MMP16: variants seen among roughly 807,000 people sequenced by gnomAD.
The protein encoded by MMP16 is matrix metallopeptidase 16, also known as matrix metalloproteinase-16.
Under a neutral mutation model 67.8 loss-of-function variants are expected in MMP16, and 12 were observed. The ratio of observed to expected loss-of-function variants is 0.18; its 90% confidence interval spans 0.11 to 0.29. The LOEUF (loss-of-function observed/expected upper bound fraction) is 0.29. Among genes scored for constraint, MMP16 ranks in the 10% least tolerant of loss-of-function variants. MMP16 has a pLI of 1.00. For missense variants in MMP16, 475 were observed against 765.7 expected (o/e 0.62, Z 4.48); for synonymous variants, 249 against 255.9 (o/e 0.97, Z 0.26).
intron 6 of MMP16, among the ~76,000 whole-genome samples, chr8:88,113,391 G>A (rs1809373777): frequency 6.6e-6 from 1 of 151,720 alleles, no homozygotes; most frequent in African/African-American, 2.4e-5. Flanking sequence ...AAGGGTTGAG[G>A]AGATGAAGAC....
At chr8:88,322,863 C>T (rs1325324966) in intron 1 of MMP16, among the ~76,000 whole-genome samples, 1 of 151,950 alleles carries the variant, frequency 6.6e-6, no homozygotes, top group Non-Finnish European at 1.5e-5. Context: ...CAACTCTGAA[C>T]AGAGAGGCAT....
At chr8:88,240,114 G>A (rs1331603844) in intron 1 of MMP16, among the ~76,000 whole-genome samples, 1 of 152,108 alleles carries the variant, frequency 6.6e-6, no homozygotes, top group Non-Finnish European at 1.5e-5. Context: ...CTTACGCAAT[G>A]CCCATTGTAC....
At position 88,041,874 on chromosome 8, in the gene MMP16, G is replaced by T. The variant is rs565147285; in HGVS notation, c.1490-79C>A. On this transcript the variant is annotated intron_variant, in intron 9 of 9. Coordinates refer to ENST00000286614, the MANE Select transcript of MMP16 (RefSeq NM_005941.5). The surrounding 1 kb of genome is among the most constrained non-coding windows in gnomAD (Gnocchi z 6.0). ...ATGTAGAGAAATGTTACTAAAATAG[G>T]CTATGTCTTAAGAGATGTATTTTAA... is the stretch of plus-strand genomic sequence containing the variant. 10 of 1,078,788 alleles carry T rather than the reference G, an allele frequency of 9.3e-6. No homozygotes were observed. The highest frequency in any genetic ancestry group is 2.4e-5 in the Admixed American group (1 of 42,040). 66.8% of individuals were successfully genotyped at this position (1,078,788 alleles called of 1,614,324 possible). A position where few individuals can be genotyped will look rare whatever the true frequency, so the allele number is the denominator to read the frequency against.
intron 1 of MMP16, among the ~76,000 whole-genome samples, chr8:88,324,192 T>G (rs1811503730): frequency 6.6e-6 from 1 of 152,140 alleles, no homozygotes; most frequent in African/African-American, 2.4e-5. Flanking sequence ...GAGATGTTCC[T>G]TTTTGCTTCT....
At chr8:88,165,381 C>T (rs1808695706) in intron 4 of MMP16, among the ~76,000 whole-genome samples, 3 of 151,754 alleles carry the variant, frequency 2.0e-5, no homozygotes, top group Non-Finnish European at 4.4e-5. Context: ...ATCTTCAAAA[C>T]TACAGATTTA....
At chr8:88,099,139 C>G (rs143793022) in intron 6 of MMP16, among the ~76,000 whole-genome samples, 1 of 151,096 alleles carries the variant, frequency 6.6e-6, no homozygotes, top group African/African-American at 2.4e-5. Flanking sequence ...ATTCTATGTA[C>G]GTTCTAAAAA....
At chr8:88,116,363 A>T (rs1177331638) in intron 6 of MMP16, 144 bp downstream of exon 6, 5 of 704,012 alleles carry the variant, frequency 7.1e-6, no homozygotes, top group East Asian at 5.5e-5. Flanking sequence ...CCATTTGTGC[A>T]TTTATTTTTT....
intron 7 of MMP16, among the ~76,000 whole-genome samples, chr8:88,070,924 T>C (rs188427233): frequency 5.9e-5 from 9 of 152,244 alleles, no homozygotes; most frequent in Non-Finnish European, 1.3e-4. Flanking sequence ...AATCTACCAT[T>C]ATAGTGCACT....
intron 6 of MMP16, among the ~76,000 whole-genome samples, chr8:88,104,725 A>AGAAAGGTCCTTCGGGAGGTATTCCAC (rs1809207118): frequency 6.6e-6 from 1 of 151,630 alleles, no homozygotes; most frequent in Admixed American, 6.6e-5. Flanking sequence ...AAACAGCCTC[A>AGAAAGGTCCTTCGGGAGGTATTCCAC]GAAAGGTCCT....
At chr8:88,095,088 C>T (rs753566576) in intron 6 of MMP16, among the ~76,000 whole-genome samples, 12 of 151,696 alleles carry the variant, frequency 7.9e-5, no homozygotes, top group East Asian at 3.9e-4. Context: ...TACAAGGCAC[C>T]GCTCTACAGA....
At chr8:88,221,946 T>C (rs1237619614) in intron 1 of MMP16, among the ~76,000 whole-genome samples, 1 of 152,120 alleles carries the variant, frequency 6.6e-6, no homozygotes, top group Non-Finnish European at 1.5e-5. Flanking sequence ...GGGAGGTTTT[T>C]GGCATGATAT....
intron 1 of MMP16, among the ~76,000 whole-genome samples, chr8:88,251,068 A>G (rs1429803965): frequency 2.6e-5 from 4 of 151,554 alleles, no homozygotes; most frequent in Admixed American, 1.3e-4. Context: ...GAGAATGATG[A>G]TTTCCAATTT....
chr8:88,201,164 A>G (rs1180449463), intron 1 of MMP16, among the ~76,000 whole-genome samples: 4 of 135,692 alleles, frequency 2.9e-5, no homozygotes, highest in Non-Finnish European at 4.6e-5. Context: ...AAAAAAAAAA[A>G]AAAATGGAAT....
At chr8:88,268,980 T>G (rs1376969601) in intron 1 of MMP16, among the ~76,000 whole-genome samples, 1 of 152,132 alleles carries the variant, frequency 6.6e-6, no homozygotes, top group Admixed American at 6.5e-5. Flanking sequence ...CACCTTGGGA[T>G]GGAGGATCTA....
intron 1 of MMP16, among the ~76,000 whole-genome samples, chr8:88,266,457 T>G (rs1440892731): frequency 2.6e-5 from 4 of 152,142 alleles, no homozygotes; most frequent in African/African-American, 9.7e-5. Flanking sequence ...TCATCTGGAG[T>G]ATAAATTTAT....
chr8:88,184,538 G>T (rs1402099267), intron 3 of MMP16, among the ~76,000 whole-genome samples: 1 of 120,818 alleles, frequency 8.3e-6, no homozygotes, highest in African/African-American at 3.2e-5. Flanking sequence ...AGACCAGCCT[G>T]GGCAAATGGT....
intron 1 of MMP16, among the ~76,000 whole-genome samples, chr8:88,212,679 T>C (rs1809530594): frequency 1.3e-5 from 2 of 152,134 alleles, no homozygotes; most frequent in Admixed American, 1.3e-4. Flanking sequence ...GAAAAGGTCC[T>C]TTGAACTGTA....
At position 88,116,521 on chromosome 8, in the gene MMP16, T is replaced by C. The variant is rs1379083642; in HGVS notation, c.1069A>G (p.Met357Val). 1 of 1,613,174 alleles carries C rather than the reference T, an allele frequency of 6.2e-7. No homozygotes were observed. Among genetic ancestry groups the C allele is most frequent in the Non-Finnish European group, 8.5e-7 (1 of 1,179,502 alleles). Reference sequence around the variant, plus strand: ...CAGTCTCCTACCTTGAAAACAAACATCTCACGACGAAGAATAGCTAGAGTG... The same window carrying C: ...CAGTCTCCTACCTTGAAAACAAACACCTCACGACGAAGAATAGCTAGAGTG... ...FNTLAILRRE[M>V]FVFKDQWFWR... The change falls in exon 6 of 10, where the codon ATG becomes GTG. Residue 357 changes from methionine to valine, a missense_variant. Met to Val is a conservative substitution (Grantham distance 21). Around this residue, in one of 5 missense-constraint regions of MMP16, gnomAD observed 195 missense variants for 300.9 expected, o/e 0.65. Coordinates refer to ENST00000286614, the MANE Select transcript of MMP16 (RefSeq NM_005941.5).
intron 1 of MMP16, among the ~76,000 whole-genome samples, chr8:88,325,458 A>G (rs1011852618): frequency 6.6e-6 from 1 of 152,046 alleles, no homozygotes; most frequent in Non-Finnish European, 1.5e-5. Flanking sequence ...ACTCCACCTC[A>G]CCACCATCAC....
Sources: allele counts gnomAD v4.1 joint callset (sites outside exome capture counted in the v4.1 genomes callset), GRCh38; gene constraint gnomAD v4.1.1; regional missense constraint gnomAD v4.1.1; non-coding constraint Gnocchi (gnomAD v3.1); transcripts MANE v1.5; gene names NCBI Gene and HGNC (gene_info 2026-07-23, HGNC 2026-07-21).